Variants in SLC71A2 observed in about 807,000 individuals in gnomAD.
The protein encoded by SLC71A2 is solute carrier family 71 member 2, also known as hippocampus abundant transcript-like 1.
the SLC71A2 span, among the ~76,000 whole-genome samples, chr9:94,438,126 C>G: frequency 6.6e-6 from 1 of 151,908 alleles, no homozygotes; most frequent in Admixed American, 6.6e-5. Flanking sequence ...TTAGTAGAGA[C>G]GAGGTTTCAC....
At chr9:94,460,632 T>TGAAAGTTTTATAGGTATGAAATATATGTA in the SLC71A2 span, 5 of 152,518 alleles carry the variant, frequency 3.3e-5, no homozygotes, top group Non-Finnish European at 7.4e-5. Flanking sequence ...AGCACCCCTT[T>TGAAAGTTTTATAGGTATGAAATATATGTA]GAAAGTTTTA....
chr9:94,387,483 G>T, the SLC71A2 span, among the ~76,000 whole-genome samples: 1 of 151,812 alleles, frequency 6.6e-6, no homozygotes, highest in South Asian at 2.1e-4. Context: ...AATGTGATAT[G>T]CTTTTATTGA....
At chr9:94,446,954 A>C in the SLC71A2 span, 1 of 1,211,896 alleles carries the variant, frequency 8.3e-7, no homozygotes, top group Non-Finnish European at 1.2e-6. Context: ...GTGAGTGGCT[A>C]GTAGCCTTTC....
chr9:94,442,928 CAAG>C, the SLC71A2 span, among the ~76,000 whole-genome samples: 5 of 151,470 alleles, frequency 3.3e-5, no homozygotes, highest in South Asian at 2.1e-4. Context: ...AAAACAAAAA[CAAG>C]AAGGTAGGTT....
the SLC71A2 span, among the ~76,000 whole-genome samples, chr9:94,427,083 T>C: frequency 2.0e-5 from 3 of 152,226 alleles, no homozygotes; most frequent in Non-Finnish European, 2.9e-5. Context: ...CCTTTTATTA[T>C]TAGGTTTACT....
the SLC71A2 span, among the ~76,000 whole-genome samples, chr9:94,407,537 C>T: frequency 6.6e-6 from 1 of 152,092 alleles, no homozygotes; most frequent in African/African-American, 2.4e-5. Context: ...CACTACCACG[C>T]CCGGCTAATT....
At chr9:94,385,750 G>A in the SLC71A2 span, among the ~76,000 whole-genome samples, 104,649 of 151,522 alleles carry the variant, frequency 0.69, 36,486 homozygotes, top group Middle Eastern at 0.76. Flanking sequence ...TGATCACTGT[G>A]GCTTTGTAGT....
chr9:94,410,942 T>C, the SLC71A2 span, among the ~76,000 whole-genome samples: 1 of 152,084 alleles, frequency 6.6e-6, no homozygotes, highest in Non-Finnish European at 1.5e-5. Flanking sequence ...ATTTTTGTAT[T>C]TTTAGTAGAG....
At chr9:94,436,206 C>T in the SLC71A2 span, among the ~76,000 whole-genome samples, 1 of 152,138 alleles carries the variant, frequency 6.6e-6, no homozygotes, top group Admixed American at 6.5e-5. Flanking sequence ...TCTACAGATA[C>T]GGAGCCTCCA....
At chr9:94,431,305 TC>T in the SLC71A2 span, among the ~76,000 whole-genome samples, 2 of 143,834 alleles carry the variant, frequency 1.4e-5, no homozygotes, top group Non-Finnish European at 3.1e-5. Context: ...GGAGCGAGAC[TC>T]CGTCTCAAAA....
the SLC71A2 span, among the ~76,000 whole-genome samples, chr9:94,439,100 C>T: frequency 1.4e-5 from 2 of 138,226 alleles, no homozygotes; most frequent in Non-Finnish European, 3.0e-5. Context: ...TGGCTTACTG[C>T]AACCTCCGCC....
chr9:94,410,286 G>T, the SLC71A2 span, among the ~76,000 whole-genome samples: 1 of 151,832 alleles, frequency 6.6e-6, no homozygotes, highest in African/African-American at 2.4e-5. Context: ...TGGAGAGATC[G>T]AGTCTCACTG....
At chr9:94,410,252 T>C in the SLC71A2 span, among the ~76,000 whole-genome samples, 2 of 151,690 alleles carry the variant, frequency 1.3e-5, no homozygotes, top group Non-Finnish European at 2.9e-5. Flanking sequence ...CATGTCACCA[T>C]GCCTGGTTAA....
the SLC71A2 span, among the ~76,000 whole-genome samples, chr9:94,404,926 C>G: frequency 2.0e-5 from 3 of 152,130 alleles, no homozygotes; most frequent in African/African-American, 7.2e-5. Context: ...AATCCAATAC[C>G]AGGAAGCTTT....
the SLC71A2 span, among the ~76,000 whole-genome samples, chr9:94,385,079 A>G: frequency 6.6e-6 from 1 of 152,094 alleles, no homozygotes; most frequent in African/African-American, 2.4e-5. Flanking sequence ...ATTTCATTTC[A>G]TTATAAATTA....
the SLC71A2 span, chr9:94,453,903 A>G: frequency 8.6e-5 from 104 of 1,203,970 alleles, 1 homozygote; most frequent in South Asian, 1.1e-3. Context: ...CAGAGCTTGT[A>G]TTTTAATTCT....
the SLC71A2 span, among the ~76,000 whole-genome samples, chr9:94,455,174 TTTTTTTTGA>T: frequency 5.2e-4 from 53 of 101,218 alleles, no homozygotes; most frequent in African/African-American, 1.5e-3. Context: ...TTTTTTTTTT[TTTTTTTTGA>T]GAGAGAGAGG....
the SLC71A2 span, among the ~76,000 whole-genome samples, chr9:94,415,904 G>T: frequency 6.6e-6 from 1 of 152,182 alleles, no homozygotes; most frequent in African/African-American, 2.4e-5. Context: ...AACTTCTTTA[G>T]GAGGATATTA....
the SLC71A2 span, among the ~76,000 whole-genome samples, chr9:94,451,716 G>A: frequency 6.6e-6 from 1 of 152,174 alleles, no homozygotes; most frequent in Admixed American, 6.5e-5. Flanking sequence ...TGTGAATGTG[G>A]TCCACAGAAC....
Sources: gnomAD v4.1 joint callset for allele counts (sites outside exome capture counted in the v4.1 genomes callset) on GRCh38, gnomAD v4.1.1 for gene constraint, MANE v1.5 for transcripts, NCBI Gene and HGNC (gene_info 2026-07-23, HGNC 2026-07-21) for gene names.